The following CHD1L variants were observed in gnomAD, a reference collection of about 807,000 sequenced individuals.
CHD1L encodes chromodomain helicase DNA binding protein 1 like.
A neutral mutation model predicts 115.9 loss-of-function variants in CHD1L; 118 were observed. The ratio of observed to expected loss-of-function variants is 1.02; its 90% CI spans 0.88 to 1.19. The LOEUF is 1.19. Ranked by LOEUF, CHD1L falls within the 50% of genes most tolerant of loss-of-function variation. The pLI is 0.00. For missense variants in CHD1L, 1,179 were observed against 1,065.3 expected (o/e 1.11, Z -1.49); for synonymous variants, 411 against 387.1 (o/e 1.06, Z -0.72).
At chr1:147,237,962 G>T (rs1331205244), upstream of CHD1L, among the ~76,000 whole-genome samples, 2 of 152,148 alleles carry the variant, frequency 1.3e-5, no homozygotes, top group African/African-American at 2.4e-5. Context: ...CCTTACCTTT[G>T]ATAGTAAAAG....
chr1:147,195,849 T>G, the CHD1L span, among the ~76,000 whole-genome samples: 3 of 152,232 alleles, frequency 2.0e-5, no homozygotes, highest in East Asian at 5.8e-4. Flanking sequence ...GTTATCTCAT[T>G]CCTCTTTAAA....
chr1:147,241,963 A>G (rs1664944308), upstream of CHD1L, among the ~76,000 whole-genome samples: 1 of 152,196 alleles, frequency 6.6e-6, no homozygotes, highest in Admixed American at 6.5e-5. Flanking sequence ...AAATATACTT[A>G]AAGCCCTTAG....
At chr1:147,251,917 GA>G (rs1281783865) in intron 1 of CHD1L, among the ~76,000 whole-genome samples, 2 of 152,128 alleles carry the variant, frequency 1.3e-5, no homozygotes, top group Non-Finnish European at 2.9e-5. Context: ...GTATTTTGAA[GA>G]TTTTTTTAAA....
At chr1:147,177,856 AAATC>A in the CHD1L span, among the ~76,000 whole-genome samples, 1 of 152,196 alleles carries the variant, frequency 6.6e-6, no homozygotes. Context: ...AGGTTAAACT[AAATC>A]AAACTTGAGT....
rs1274732902 is a variant in CHD1L, at chr1:147,281,797, AT to A, written c.1705+1607del. 3.7e-3 allele frequency among the ~76,000 whole-genome samples: 551 copies of A among 150,674 alleles called. 7 individuals carry two copies. Among genetic ancestry groups the A allele is most frequent in the African/African-American group, 4.5e-3 (186 of 41,194 alleles). On this transcript the variant is annotated intron_variant, in intron 15 of 22. Transcript: ENST00000369258. ...CTTTTACTTCTACTTCTTTAAAAAA[AT>A]ATATATATATTTATTTATTTATTGA...
intron 14 of CHD1L, among the ~76,000 whole-genome samples, chr1:147,276,600 C>T (rs1678575778): frequency 6.6e-6 from 1 of 152,188 alleles, no homozygotes; most frequent in South Asian, 2.1e-4. Context: ...TTCTGTACTT[C>T]CACCTTAGTC....
At chr1:147,181,345 C>T in the CHD1L span, among the ~76,000 whole-genome samples, 1 of 152,158 alleles carries the variant, frequency 6.6e-6, no homozygotes, top group African/African-American at 2.4e-5. Context: ...ACTTGCTTTT[C>T]TTCTGGGAGT....
At chr1:147,193,540 T>G in the CHD1L span, among the ~76,000 whole-genome samples, 1 of 152,166 alleles carries the variant, frequency 6.6e-6, no homozygotes, top group Non-Finnish European at 1.5e-5. Flanking sequence ...ATTTCTTGCC[T>G]TCTTCTAGCT....
the CHD1L span, among the ~76,000 whole-genome samples, chr1:147,185,924 T>C: frequency 2.6e-5 from 4 of 152,222 alleles, no homozygotes; most frequent in African/African-American, 4.8e-5. Flanking sequence ...GAAAAACTGG[T>C]ATAAGCAGAA....
the CHD1L span, among the ~76,000 whole-genome samples, chr1:147,195,339 G>T: frequency 2.6e-5 from 4 of 151,702 alleles, no homozygotes; most frequent in Middle Eastern, 3.2e-3. Context: ...CACCATATTG[G>T]TCAGGCTGGT....
chr1:147,229,935 T>C, the CHD1L span, among the ~76,000 whole-genome samples: 1 of 151,160 alleles, frequency 6.6e-6, no homozygotes, highest in African/African-American at 2.4e-5. Flanking sequence ...TTTCTAGATA[T>C]ACAATCATGT....
chr1:147,180,206 A>G, the CHD1L span, among the ~76,000 whole-genome samples: 2 of 152,232 alleles, frequency 1.3e-5, no homozygotes, highest in East Asian at 3.8e-4. Context: ...GTCATGTTGT[A>G]TAGTCAGAAG....
intron 12 of CHD1L, 76 bp from the exon 13 acceptor site, chr1:147,275,278 C>T: frequency 1.9e-6 from 2 of 1,043,220 alleles, no homozygotes; most frequent in Non-Finnish European, 3.0e-6. Flanking sequence ...CAGTCTGACC[C>T]ACTCTAGCCT....
the CHD1L span, among the ~76,000 whole-genome samples, chr1:147,180,445 C>T: frequency 6.6e-6 from 1 of 152,126 alleles, no homozygotes; most frequent in Non-Finnish European, 1.5e-5. Flanking sequence ...GTGTGTGCCA[C>T]CACGCCTAGT....
At chr1:147,242,254 CACTA>C (rs1465689762), upstream of CHD1L, among the ~76,000 whole-genome samples, 5 of 152,180 alleles carry the variant, frequency 3.3e-5, no homozygotes, top group African/African-American at 1.2e-4. Context: ...ATCAATTTAT[CACTA>C]GGTAAACCGA....
the CHD1L span, among the ~76,000 whole-genome samples, chr1:147,233,470 TG>T: frequency 0.47 from 53,205 of 113,692 alleles, 12,584 homozygotes; most frequent in East Asian, 0.71. Context: ...GGGAGGGAGG[TG>T]GGGGGGGTCA....
chr1:147,283,414 C>T (rs587705312), intron 15 of CHD1L, among the ~76,000 whole-genome samples: 25 of 152,196 alleles, frequency 1.6e-4, no homozygotes, highest in African/African-American at 4.8e-4. Flanking sequence ...ATATGCTTCC[C>T]GATTCAATCA....
At chr1:147,205,045 A>G in the CHD1L span, 4 of 678,648 alleles carry the variant, frequency 5.9e-6, no homozygotes, top group African/African-American at 5.4e-5. Context: ...CATCTTTGCT[A>G]TATAGTCCAG....
intron 14 of CHD1L, among the ~76,000 whole-genome samples, chr1:147,276,918 A>G (rs1233961533): frequency 6.6e-6 from 1 of 152,214 alleles, no homozygotes; most frequent in African/African-American, 2.4e-5. Context: ...CTAGGATACT[A>G]GAAAGATGCA....
Sources: allele counts gnomAD v4.1 joint callset (sites outside exome capture counted in the v4.1 genomes callset), GRCh38; gene constraint gnomAD v4.1.1; transcripts MANE v1.5; gene names NCBI Gene and HGNC (gene_info 2026-07-23, HGNC 2026-07-21).